Variants in BRINP2 observed in about 807,000 individuals in gnomAD.
BRINP2 encodes the protein BMP/retinoic acid-inducible neural-specific protein 2.
BRINP2 carries 21 observed loss-of-function variants against 69.2 expected under a neutral mutation model. That is an observed-to-expected ratio of 0.30 (90% CI 0.22 to 0.44). BRINP2 has a LOEUF of 0.44. BRINP2 is among the 20% of genes least tolerant of loss of function. The pLI, the probability that BRINP2 is intolerant of heterozygous loss-of-function variation, is 1.00. For missense variants in BRINP2, 877 were observed against 986.0 expected (o/e 0.89, Z 1.48); for synonymous variants, 380 against 394.1 (o/e 0.96, Z 0.42).
rs112160035 is a variant in BRINP2, at chr1:177,250,227, T to C, written c.270-5692T>C. Among the ~76,000 whole-genome samples the C allele has an allele frequency of 8.3e-3, 1,271 of 152,330 alleles. 28 individuals carry two copies. Among genetic ancestry groups the C allele is most frequent in the African/African-American group, 0.029 (1,220 of 41,586 alleles). On this transcript the variant is annotated intron_variant, in intron 2 of 7. Transcript: ENST00000361539. ...TGCCCACTTGAGTCTAATTCTGAGT[T>C]GATAGCCCACTGTAATTTGTGATGA...
chr1:177,232,234 G>T (rs1649879526), intron 2 of BRINP2, among the ~76,000 whole-genome samples: 1 of 152,210 alleles, frequency 6.6e-6, no homozygotes, highest in Non-Finnish European at 1.5e-5. Context: ...TATCCCCTCA[G>T]GAGAGTTTTC....
Position 177,189,500 on chromosome 1 carries a change from G to A in BRINP2, c.-77+17768G>A, listed in dbSNP as rs575811757. On this transcript the variant is annotated intron_variant, in intron 1 of 7. Transcript: ENST00000361539. ...CAGAAAAGGACCATAGCCAACGATG[G>A]CAAATTACCTCTGGGGTGGCCATTT... Among the ~76,000 whole-genome samples, 4 of 152,282 alleles carry A rather than the reference G, an allele frequency of 2.6e-5. No individual in the cohort carries two copies. In the South Asian group the frequency reaches 8.3e-4, roughly 32 times the overall value.
At chr1:177,263,886 T>G (rs576258624) in intron 4 of BRINP2, among the ~76,000 whole-genome samples, 3 of 152,344 alleles carry the variant, frequency 2.0e-5, no homozygotes, top group South Asian at 2.1e-4. Context: ...CCTGGTTAAA[T>G]CCAACTCTCC....
At chr1:177,237,768 G>A (rs985716631) in intron 2 of BRINP2, among the ~76,000 whole-genome samples, 3 of 152,146 alleles carry the variant, frequency 2.0e-5, no homozygotes, top group Non-Finnish European at 4.4e-5. Flanking sequence ...TGAATGAATT[G>A]CTTCTTAGAG....
At chr1:177,177,504 A>C (rs1648122296) in intron 1 of BRINP2, among the ~76,000 whole-genome samples, 2 of 152,198 alleles carry the variant, frequency 1.3e-5, no homozygotes, top group Admixed American at 6.5e-5. Context: ...GGTTTTCACA[A>C]GCTTTCTCTC....
At chr1:177,217,444 T>A (rs1649411854) in intron 1 of BRINP2, among the ~76,000 whole-genome samples, 1 of 152,264 alleles carries the variant, frequency 6.6e-6, no homozygotes, top group African/African-American at 2.4e-5. Flanking sequence ...TCTTGAAGTT[T>A]ACTAAACATT....
intron 2 of BRINP2, among the ~76,000 whole-genome samples, chr1:177,238,457 T>A (rs1228436708): frequency 6.6e-6 from 1 of 152,186 alleles, no homozygotes; most frequent in Non-Finnish European, 1.5e-5. Context: ...AGAGAAGCCA[T>A]CACTGGATTG....
chr1:177,273,551 TC>T lies in BRINP2; in HGVS notation c.734del (p.Ser245LeufsTer29). ...SNYDNLDSVS[S>X]VLVQSPENKV... is the part of the protein sequence containing the mutation. Reference sequence around the variant, plus strand: ...CTATGACAATCTGGACTCAGTCAGTTCTGTCTTGGTACAGAGTCCAGAGAAC... The same window carrying T: ...CTATGACAATCTGGACTCAGTCAGTTTGTCTTGGTACAGAGTCCAGAGAAC... On this transcript the variant is annotated frameshift_variant, in exon 5 of 8. Coordinates refer to ENST00000361539, the MANE Select transcript of BRINP2 (RefSeq NM_021165.4). LOFTEE classifies it high-confidence loss of function. 3 of 1,609,622 alleles carry T rather than the reference TC, an allele frequency of 1.9e-6. No individual in the cohort carries two copies. Among genetic ancestry groups the T allele is most frequent in the Non-Finnish European group, 2.5e-6 (3 of 1,177,718 alleles).
chr1:177,225,130 G>A (rs1263003912), intron 1 of BRINP2, among the ~76,000 whole-genome samples: 1 of 152,176 alleles, frequency 6.6e-6, no homozygotes, highest in Non-Finnish European at 1.5e-5. Context: ...ATCTGAGAGT[G>A]GTAGAGACAC....
At chr1:177,237,473 C>T (rs1404671974) in intron 2 of BRINP2, among the ~76,000 whole-genome samples, 1 of 152,220 alleles carries the variant, frequency 6.6e-6, no homozygotes, top group African/African-American at 2.4e-5. Context: ...ATGCCAGTCC[C>T]AAGCATCCCC....
chr1:177,202,769 G>A (rs1312654031), intron 1 of BRINP2, among the ~76,000 whole-genome samples: 15 of 152,184 alleles, frequency 9.9e-5, no homozygotes, highest in South Asian at 4.2e-4. Flanking sequence ...AATCGAAACC[G>A]CAGTGAGATA....
chr1:177,250,962 T>C (rs1650562974), intron 2 of BRINP2, among the ~76,000 whole-genome samples: 1 of 152,258 alleles, frequency 6.6e-6, no homozygotes, highest in South Asian at 2.1e-4. Flanking sequence ...GTTTTGAATA[T>C]AATATTAACT....
chr1:177,200,961 T>C, intron 1 of BRINP2, among the ~76,000 whole-genome samples: 1 of 152,196 alleles, frequency 6.6e-6, no homozygotes, highest in African/African-American at 2.4e-5. Flanking sequence ...AAATACCGTA[T>C]GTTCTCACTT....
chr1:177,276,732 C>T (rs986221204), intron 6 of BRINP2, among the ~76,000 whole-genome samples: 2 of 152,214 alleles, frequency 1.3e-5, no homozygotes, highest in African/African-American at 4.8e-5. Context: ...ACTGCTTCCA[C>T]AGTGCCTAGA....
rs995501067 is a variant in BRINP2, at chr1:177,171,137, G to C, written c.-672G>C. On this transcript the variant is annotated 5_prime_UTR_variant, in exon 1 of 8. Coordinates refer to ENST00000361539, the MANE Select transcript of BRINP2 (RefSeq NM_021165.4). ...GCCCGGGGATGTGCACCTGCCGTGC[G>C]CTCCGAGGTCAGTGGCAGGTCTGCA... Among the ~76,000 whole-genome samples the C allele has an allele frequency of 1.3e-5, 2 of 152,252 alleles. No individual in the cohort carries two copies. Among genetic ancestry groups the C allele is most frequent in the African/African-American group, 2.4e-5 (1 of 41,470 alleles).
chr1:177,230,072 C>T lies in BRINP2; in HGVS notation c.196C>T (p.His66Tyr), dbSNP rs112761040. Residue 66 changes from histidine to tyrosine, a missense_variant, in exon 2 of 8, where the codon CAC (histidine) becomes TAC (tyrosine). Transcript: ENST00000361539. ...DWLLTDRGPF[H>Y]RAQEYADFME... ...GCTGCTCACAGACCGGGGCCCCTTC[C>T]ACCGCGCTCAGGAGTATGCTGACTT... 36 of 1,613,862 alleles carry T rather than the reference C, an allele frequency of 2.2e-5. No individual in the cohort carries two copies. In the African/African-American group the frequency reaches 2.9e-4, roughly 13 times the overall value.
chr1:177,185,018 A>G (rs1648386934), intron 1 of BRINP2, among the ~76,000 whole-genome samples: 1 of 152,206 alleles, frequency 6.6e-6, no homozygotes, highest in Non-Finnish European at 1.5e-5. Flanking sequence ...GAATTTTAAC[A>G]AGCAGATGAT....
chr1:177,228,737 T>C (rs1649775334), intron 1 of BRINP2, among the ~76,000 whole-genome samples: 2 of 152,150 alleles, frequency 1.3e-5, no homozygotes, highest in Admixed American at 1.3e-4. Context: ...ATGATCACAA[T>C]TCCAAGAAGC....
At chr1:177,241,814 C>CCAGGT (rs1477635277) in intron 2 of BRINP2, among the ~76,000 whole-genome samples, 2 of 152,148 alleles carry the variant, frequency 1.3e-5, no homozygotes, top group African/African-American at 4.8e-5. Flanking sequence ...GACAGTGGTG[C>CCAGGT]CAGGTCACAG....
Sources: allele counts gnomAD v4.1 joint callset (sites outside exome capture counted in the v4.1 genomes callset), GRCh38; gene constraint gnomAD v4.1.1; transcripts MANE v1.5; gene names NCBI Gene and HGNC (gene_info 2026-07-23, HGNC 2026-07-21).